Variants in ZC3H11A observed in about 807,000 individuals in gnomAD.
ZC3H11A encodes the protein zinc finger CCCH-type containing 11A.
Under a neutral mutation model 90.8 loss-of-function variants are expected in ZC3H11A, and 22 were observed. That is an observed-to-expected ratio of 0.24 (90% confidence interval 0.17 to 0.35). The LOEUF is 0.35. Among genes scored for constraint, ZC3H11A ranks in the 10% least tolerant of loss-of-function variants. The pLI, the probability that ZC3H11A is intolerant of heterozygous loss-of-function variation, is 1.00. For synonymous variants in ZC3H11A, 294 were observed against 339.8 expected (o/e 0.87, Z 1.48); for missense variants, 701 against 964.9 (o/e 0.73, Z 3.62).
At chr1:203,804,152 G>GT (rs74546279) in intron 2 of ZC3H11A, among the ~76,000 whole-genome samples, 1,078 of 105,122 alleles carry the variant, frequency 0.01, 33 homozygotes, top group Admixed American at 0.044. Context: ...CTGTATATGT[G>GT]TTTTTTTTTT....
At chr1:203,847,963 C>A (rs1427896977) in intron 13 of ZC3H11A, among the ~76,000 whole-genome samples, 1 of 152,148 alleles carries the variant, frequency 6.6e-6, no homozygotes, top group East Asian at 1.9e-4. Context: ...TCAAGTGATT[C>A]TCCTGCCTCA....
chr1:203,796,162 C>T (rs1056532067), intron 1 of ZC3H11A: 2 of 321,006 alleles, frequency 6.2e-6, no homozygotes, highest in Non-Finnish European at 1.1e-5. Context: ...TCCCCCGAAT[C>T]CCGAAGAGAG....
In ZC3H11A at chr1:203,850,514, G is replaced by A; in HGVS notation, c.1940-1G>A. 3 of 1,613,882 alleles carry A rather than the reference G, an allele frequency of 1.9e-6. No homozygotes were observed. Among genetic ancestry groups the A allele is most frequent in the Non-Finnish European group, 1.7e-6 (2 of 1,179,836 alleles). On this transcript the variant is annotated splice_acceptor_variant, in intron 15 of 17. Coordinates refer to ENST00000367210, the MANE Select transcript of ZC3H11A (RefSeq NM_001376342.1). LOFTEE classifies it high-confidence loss of function. ...TATCAGATATTTTCTGCCCTTTGTA[G>A]CTAAACCCAAAGTGAACGTGAAGCC...
At chr1:203,808,754 GC>G (rs1479743270) in intron 2 of ZC3H11A, among the ~76,000 whole-genome samples, 1 of 152,076 alleles carries the variant, frequency 6.6e-6, no homozygotes, top group Non-Finnish European at 1.5e-5. Flanking sequence ...GAAGGTAGGG[GC>G]TGGAAATTAG....
chr1:203,799,884 T>G, intron 1 of ZC3H11A: 1 of 1,536,042 alleles, frequency 6.5e-7, no homozygotes, highest in Non-Finnish European at 8.7e-7. Flanking sequence ...AGGTGCTGAT[T>G]TAGAAACTTA....
In ZC3H11A at chr1:203,852,634, G is replaced by A. The variant is rs1689545928; in HGVS notation, c.*235G>A. The A allele has an allele frequency of 1.9e-6, 1 of 534,840 alleles. No homozygotes were observed. The highest frequency in any genetic ancestry group is 2.1e-5 in the South Asian group (1 of 46,718). The allele number at this position is 534,840 out of a possible 1,614,324, so 33.1% of individuals were successfully genotyped here. ...TTGTTTATCATCTTTTGAGAAAAAA[G>A]TTCTGTCATACCCTTCTCTCCACAA... On this transcript the variant is annotated 3_prime_UTR_variant, in exon 18 of 18. Coordinates refer to ENST00000367210, the MANE Select transcript of ZC3H11A (RefSeq NM_001376342.1).
chr1:203,843,907 G>T (rs1687168457), intron 12 of ZC3H11A, among the ~76,000 whole-genome samples: 1 of 151,850 alleles, frequency 6.6e-6, no homozygotes, highest in Admixed American at 6.6e-5. Context: ...GCCCAGTCTG[G>T]AGTGCAATGG....
intron 2 of ZC3H11A, among the ~76,000 whole-genome samples, chr1:203,812,783 T>G (rs1324294528): frequency 6.6e-6 from 1 of 152,052 alleles, no homozygotes; most frequent in Non-Finnish European, 1.5e-5. Flanking sequence ...GGTCTCACCA[T>G]GTTTGCCAAG....
chr1:203,829,691 A>G, intron 6 of ZC3H11A, 37 bp downstream of exon 6: 1 of 1,613,016 alleles, frequency 6.2e-7, no homozygotes, highest in Non-Finnish European at 8.5e-7. Context: ...AGGCAAATAA[A>G]TAGGGTCTCA....
chr1:203,845,148 A>G (rs1433810390), intron 12 of ZC3H11A, among the ~76,000 whole-genome samples: 1 of 152,192 alleles, frequency 6.6e-6, no homozygotes, highest in Admixed American at 6.5e-5. Context: ...TTTTCTGTAA[A>G]TTCAGACATC....
At chr1:203,797,705 AAAG>A (rs1462428665) in intron 1 of ZC3H11A, 3 of 1,534,930 alleles carry the variant, frequency 2.0e-6, no homozygotes, top group African/African-American at 2.7e-5. Context: ...AGCCTGCTAA[AAAG>A]AAAAGAAAGA....
chr1:203,804,972 C>T (rs1439031800), intron 2 of ZC3H11A, among the ~76,000 whole-genome samples: 1 of 151,870 alleles, frequency 6.6e-6, no homozygotes, highest in Non-Finnish European at 1.5e-5. Flanking sequence ...TGTGCCCGGC[C>T]TGTCTCGTCT....
intron 1 of ZC3H11A, chr1:203,800,002 A>C: frequency 2.6e-6 from 4 of 1,536,114 alleles, no homozygotes; most frequent in Non-Finnish European, 3.5e-6. Flanking sequence ...GTGGGAGCTG[A>C]TTCATTTACC....
chr1:203,801,289 A>T (rs989754568), intron 1 of ZC3H11A: 1 of 152,182 alleles, frequency 6.6e-6, no homozygotes, highest in African/African-American at 2.4e-5. Context: ...AATTTTAGGT[A>T]ATCTTTTTAA....
Position 203,850,664 on chromosome 1 carries a change from G to A in ZC3H11A, c.2089G>A (p.Ala697Thr). The change falls in exon 16 of 18, where the codon GCC (alanine) becomes ACC (threonine). Residue 697 changes from alanine (A) to threonine (T), a missense_variant. Physicochemically the swap from Ala to Thr is moderately conservative, Grantham distance 58 (BLOSUM62 0). Coordinates refer to ENST00000367210, the MANE Select transcript of ZC3H11A (RefSeq NM_001376342.1). ...SSSSVLQEPPAKKAAVAVVPL... is the reference protein window; with the variant it reads ...SSSSVLQEPPTKKAAVAVVPL... ...CAGCAGTGTCCTACAGGAACCCCCA[G>A]CCAAAAAGGCAGCTGTGGTAAGAAG... The A allele has an allele frequency of 1.2e-6, 2 of 1,613,996 alleles. No individual in the cohort carries two copies. Among genetic ancestry groups the A allele is most frequent in the Non-Finnish European group, 1.7e-6 (2 of 1,179,938 alleles).
At chr1:203,817,224 T>TA (rs1401103907) in intron 3 of ZC3H11A, 100 bp downstream of exon 3, 5 of 966,520 alleles carry the variant, frequency 5.2e-6, no homozygotes, top group African/African-American at 5.2e-5. Context: ...TATATATATA[T>TA]TTTTTGCCCA....
intron 2 of ZC3H11A, among the ~76,000 whole-genome samples, chr1:203,814,344 C>T (rs1297383345): frequency 1.3e-5 from 2 of 152,010 alleles, no homozygotes; most frequent in East Asian, 1.9e-4. Context: ...GCCAACATGG[C>T]GAAACCCTGT....
rs977858622 is a variant in ZC3H11A, at chr1:203,825,742, A to G, written c.175-2557A>G. 5.3e-5 allele frequency among the ~76,000 whole-genome samples: 8 copies of G among 152,248 alleles called. No individual in the cohort carries two copies. The South Asian group carries it at 1.7e-3, about 32-fold the overall frequency. On this transcript the variant is annotated intron_variant, in intron 4 of 17. Coordinates refer to ENST00000367210, the MANE Select transcript of ZC3H11A (RefSeq NM_001376342.1). The stretch of plus-strand genomic sequence containing the variant: ...GCCTGGCATGTGGAGGATATTACTA[A>G]GGAAAAATGTACAGAATTACATGGA...
intron 11 of ZC3H11A, among the ~76,000 whole-genome samples, chr1:203,838,292 G>A (rs1684997036): frequency 6.6e-6 from 1 of 152,178 alleles, no homozygotes; most frequent in Non-Finnish European, 1.5e-5. Flanking sequence ...TAAATGGCAG[G>A]TAGGAATACT....
Sources: gnomAD v4.1 joint callset for allele counts (sites outside exome capture counted in the v4.1 genomes callset) on GRCh38, gnomAD v4.1.1 for gene constraint, MANE v1.5 for transcripts, NCBI Gene and HGNC (gene_info 2026-07-23, HGNC 2026-07-21) for gene names.